LRBA: variants seen among roughly 807,000 people sequenced by gnomAD.
LRBA encodes the protein lipopolysaccharide-responsive and beige-like anchor protein.
LRBA carries 176 observed loss-of-function variants against 330.0 expected under a neutral mutation model. The observed-to-expected ratio is 0.53, with a 90% CI of 0.47 to 0.60. The LOEUF (loss-of-function observed/expected upper bound fraction) is 0.60. LRBA is among the 20% of genes least tolerant of loss of function. The pLI is 0.00. For missense variants in LRBA, 3,259 were observed against 3,444.8 expected (o/e 0.95, Z 1.35); for synonymous variants, 1,230 against 1,193.0 (o/e 1.03, Z -0.64).
chr4:150,317,604 G>A lies in LRBA; in HGVS notation c.7631-1981C>T, dbSNP rs551187146. Among the ~76,000 whole-genome samples the A allele has an allele frequency of 5.5e-4, 84 of 152,190 alleles. 2 individuals carry two copies. The South Asian group carries it at 0.016, about 29-fold the overall frequency. ...CCAGGAAAAATGCACTACAGCCTCTGGTCTACCCAATAGTGCCACTTACTT... is the reference window on the plus strand; with the variant it reads ...CCAGGAAAAATGCACTACAGCCTCTAGTCTACCCAATAGTGCCACTTACTT... On this transcript the variant is annotated intron_variant, in intron 50 of 56. Coordinates refer to ENST00000651943, the MANE Select transcript of LRBA (RefSeq NM_001364905.1).
At chr4:150,520,427 G>A (rs552194013) in intron 40 of LRBA, among the ~76,000 whole-genome samples, 1 of 151,752 alleles carries the variant, frequency 6.6e-6, no homozygotes, top group Admixed American at 6.6e-5. Flanking sequence ...AGTTTTCAGT[G>A]GGCTTACAGA....
chr4:150,735,378 G>C lies in LRBA; in HGVS notation c.5646-12C>G. 1 of 1,520,290 alleles carries C rather than the reference G, an allele frequency of 6.6e-7. No individual in the cohort carries two copies. The allele number at this position is 1,520,290 out of a possible 1,614,324, so 94.2% of individuals were successfully genotyped here. ...TCTGGCTAAGCAACCTGTAAGAAAT[G>C]AATGTTATCAAATAAATATATGTAT... On this transcript the variant is annotated splice_polypyrimidine_tract_variant and intron_variant, in intron 35 of 56. Transcript: ENST00000651943.
intron 37 of LRBA, among the ~76,000 whole-genome samples, chr4:150,601,174 G>T: frequency 6.6e-6 from 1 of 152,116 alleles, no homozygotes; most frequent in South Asian, 2.1e-4. Flanking sequence ...CTATGCTTCA[G>T]TATTATGCAA....
intron 47 of LRBA, among the ~76,000 whole-genome samples, chr4:150,398,266 C>A (rs1204118569): frequency 1.3e-5 from 2 of 152,114 alleles, no homozygotes; most frequent in Non-Finnish European, 2.9e-5. Flanking sequence ...ATAAGACTAA[C>A]CGAAGGGAAA....
intron 40 of LRBA, chr4:150,582,930 C>T (rs1241228593): frequency 7.2e-7 from 1 of 1,397,442 alleles, no homozygotes; most frequent in Non-Finnish European, 9.7e-7. Context: ...GGGAGCGCAC[C>T]GCCTCTTTCG....
intron 33 of LRBA, among the ~76,000 whole-genome samples, chr4:150,801,440 G>A (rs1741603284): frequency 6.6e-6 from 1 of 152,152 alleles, no homozygotes; most frequent in Non-Finnish European, 1.5e-5. Flanking sequence ...TTGTTAAAGA[G>A]GACAGACATC....
At chr4:150,341,165 C>A (rs1735489466) in intron 48 of LRBA, among the ~76,000 whole-genome samples, 1 of 151,924 alleles carries the variant, frequency 6.6e-6, no homozygotes. Context: ...ATCTCACCAG[C>A]CTAGCTGCTC....
chr4:150,285,232 G>A (rs766645351), intron 54 of LRBA, among the ~76,000 whole-genome samples: 2 of 152,198 alleles, frequency 1.3e-5, no homozygotes, highest in Non-Finnish European at 2.9e-5. Context: ...ACTTTGTTGT[G>A]TGTTCAGACT....
intron 44 of LRBA, among the ~76,000 whole-genome samples, chr4:150,456,188 T>C (rs577598124): frequency 6.6e-6 from 1 of 152,240 alleles, no homozygotes; most frequent in Non-Finnish European, 1.5e-5. Flanking sequence ...GGTATACACC[T>C]AGAAGTGGAA....
chr4:150,530,719 T>C (rs972590663), intron 40 of LRBA, among the ~76,000 whole-genome samples: 1 of 152,178 alleles, frequency 6.6e-6, no homozygotes, highest in Admixed American at 6.5e-5. Flanking sequence ...GGAATTCCTG[T>C]TTCAGCATCT....
intron 8 of LRBA, 36 bp from the exon 9 acceptor site, chr4:150,914,377 C>CAA: frequency 5.2e-6 from 7 of 1,354,822 alleles, no homozygotes; most frequent in South Asian, 3.3e-5. Context: ...TAGGAAAAAA[C>CAA]AAAAAAAAAC....
chr4:150,634,872 C>T (rs974968532), intron 37 of LRBA, among the ~76,000 whole-genome samples: 4 of 152,128 alleles, frequency 2.6e-5, no homozygotes, highest in Admixed American at 2.6e-4. Flanking sequence ...AGTCATAAGA[C>T]TCTAGAGGGT....
chr4:150,410,541 G>A (rs1434928061), intron 47 of LRBA, among the ~76,000 whole-genome samples: 1 of 152,100 alleles, frequency 6.6e-6, no homozygotes, highest in Non-Finnish European at 1.5e-5. Flanking sequence ...AAAAGTAAAT[G>A]TGATTTTAAC....
At chr4:150,533,401 T>C in intron 40 of LRBA, among the ~76,000 whole-genome samples, 1 of 152,126 alleles carries the variant, frequency 6.6e-6, no homozygotes, top group Non-Finnish European at 1.5e-5. Context: ...CTCTAACTCC[T>C]GAGCTCAAGC....
At chr4:150,355,742 T>C (rs1479145497) in intron 47 of LRBA, among the ~76,000 whole-genome samples, 1 of 152,108 alleles carries the variant, frequency 6.6e-6, no homozygotes, top group Non-Finnish European at 1.5e-5. Flanking sequence ...TAATCGTATT[T>C]ATAATGAATG....
At chr4:150,633,641 C>T (rs1479108499) in intron 37 of LRBA, among the ~76,000 whole-genome samples, 1 of 152,196 alleles carries the variant, frequency 6.6e-6, no homozygotes, top group Non-Finnish European at 1.5e-5. Flanking sequence ...TGTTCCCCAT[C>T]CTTTCCATCA....
At chr4:150,402,545 A>C (rs1279236279) in intron 47 of LRBA, among the ~76,000 whole-genome samples, 1 of 152,140 alleles carries the variant, frequency 6.6e-6, no homozygotes, top group Non-Finnish European at 1.5e-5. Context: ...AATAAAAATA[A>C]TACAAACTAA....
At chr4:150,808,419 T>A in intron 31 of LRBA, 21 bp from the exon 32 acceptor site, 1 of 1,419,796 alleles carries the variant, frequency 7.0e-7, no homozygotes, top group South Asian at 1.2e-5. Flanking sequence ...AAAATAACCA[T>A]CTATAGGAAT....
intron 55 of LRBA, among the ~76,000 whole-genome samples, chr4:150,279,614 C>T (rs1747247855): frequency 6.6e-6 from 1 of 152,242 alleles, no homozygotes. Flanking sequence ...ATTTATTTCA[C>T]ATTCACCCAA....
Sources: allele counts gnomAD v4.1 joint callset (sites outside exome capture counted in the v4.1 genomes callset), GRCh38; gene constraint gnomAD v4.1.1; transcripts MANE v1.5; gene names NCBI Gene and HGNC (gene_info 2026-07-23, HGNC 2026-07-21).